SCFD2: variants seen among roughly 807,000 people sequenced by gnomAD.
SCFD2 encodes the protein sec1 family domain containing 2, also known as sec1 family domain-containing protein 2.
A neutral mutation model predicts 58.9 loss-of-function variants in SCFD2; 54 were observed. The ratio of observed to expected loss-of-function variants is 0.92; its 90% CI spans 0.74 to 1.15. The LOEUF (loss-of-function observed/expected upper bound fraction) is 1.15. Ranked by LOEUF, SCFD2 falls within the 50% of genes most tolerant of loss-of-function variation. The pLI, the probability that SCFD2 is intolerant of heterozygous loss-of-function variation, is 0.00. For missense variants in SCFD2, 805 were observed against 836.6 expected (o/e 0.96, Z 0.47); for synonymous variants, 321 against 335.9 (o/e 0.96, Z 0.49).
intron 4 of SCFD2, among the ~76,000 whole-genome samples, chr4:53,197,253 T>C (rs1462166480): frequency 6.6e-6 from 1 of 152,174 alleles, no homozygotes; most frequent in African/African-American, 2.4e-5. Context: ...AGGCCTGAAC[T>C]GTTCATCAAA....
intron 5 of SCFD2, among the ~76,000 whole-genome samples, chr4:53,081,158 T>C (rs915251022): frequency 5.3e-5 from 8 of 152,198 alleles, no homozygotes; most frequent in African/African-American, 1.7e-4. Context: ...TTAGTGTGTG[T>C]GTTTGCAACA....
chr4:53,316,249 T>TG (rs1732859078), intron 2 of SCFD2, among the ~76,000 whole-genome samples: 2 of 152,304 alleles, frequency 1.3e-5, no homozygotes, highest in South Asian at 4.1e-4. Context: ...TCATAAAAGG[T>TG]GGGGTCCTTC....
chr4:53,268,426 A>G (rs1478853574), intron 4 of SCFD2, among the ~76,000 whole-genome samples: 1 of 152,152 alleles, frequency 6.6e-6, no homozygotes, highest in African/African-American at 2.4e-5. Context: ...GCAGCCCTGC[A>G]TGGGTTGTCA....
chr4:53,008,658 G>A lies in SCFD2; in HGVS notation c.1562-87788C>T, dbSNP rs1350301295. Among the ~76,000 whole-genome samples the A allele has an allele frequency of 7.4e-4, 112 of 152,134 alleles. 1 individual carries two copies. Among genetic ancestry groups the A allele is most frequent in the Non-Finnish European group, 5.9e-5 (4 of 67,994 alleles). On this transcript the variant is annotated intron_variant, in intron 5 of 8. Coordinates refer to ENST00000401642, the MANE Select transcript of SCFD2 (RefSeq NM_152540.4). The stretch of plus-strand genomic sequence containing the variant: ...GAATGGAGAGGTGCATGTATAAAAC[G>A]CTCTTCAAAATAATGAAAGCTTTCT...
chr4:52,989,797 T>C (rs1457679466), intron 5 of SCFD2, among the ~76,000 whole-genome samples: 1 of 152,220 alleles, frequency 6.6e-6, no homozygotes, highest in East Asian at 1.9e-4. Context: ...GAGTTTTCTC[T>C]GTTCCCTTCT....
At chr4:53,204,830 C>G (rs1728359179) in intron 4 of SCFD2, among the ~76,000 whole-genome samples, 1 of 150,794 alleles carries the variant, frequency 6.6e-6, no homozygotes. Flanking sequence ...ACATATATTA[C>G]AAAGGATTAG....
chr4:52,899,274 G>A (rs1164580865), intron 7 of SCFD2, among the ~76,000 whole-genome samples: 1 of 152,156 alleles, frequency 6.6e-6, no homozygotes, highest in Non-Finnish European at 1.5e-5. Flanking sequence ...GCATGTTTTT[G>A]CAGTGGCTGG....
rs78397514 is a variant in SCFD2, at chr4:52,878,259, T to C, written c.1963-4198A>G. Among the ~76,000 whole-genome samples the C allele has an allele frequency of 7.9e-3, 1,201 of 152,268 alleles. 15 individuals are homozygous for C. The highest frequency in any genetic ancestry group is 0.027 in the African/African-American group (1,142 of 41,550). On this transcript the variant is annotated intron_variant, in intron 8 of 8. Coordinates refer to ENST00000401642, the MANE Select transcript of SCFD2 (RefSeq NM_152540.4). ...TGCCTGATTGAGTGAACAAAAACCA[T>C]ACAGCAGTGAAGGAGGCAGGGAGTG...
At chr4:53,257,324 G>A (rs940884481) in intron 4 of SCFD2, among the ~76,000 whole-genome samples, 3 of 152,176 alleles carry the variant, frequency 2.0e-5, no homozygotes, top group Admixed American at 6.5e-5. Flanking sequence ...TCAGTTCAAT[G>A]TGAAGAAGAG....
intron 3 of SCFD2, among the ~76,000 whole-genome samples, chr4:53,284,444 T>C (rs1345667204): frequency 6.6e-6 from 1 of 152,202 alleles, no homozygotes; most frequent in Non-Finnish European, 1.5e-5. Context: ...ATTCATTTTT[T>C]ATTTTATATA....
At chr4:53,334,160 A>C (rs1733597280) in intron 2 of SCFD2, among the ~76,000 whole-genome samples, 1 of 151,196 alleles carries the variant, frequency 6.6e-6, no homozygotes, top group African/African-American at 2.4e-5. Flanking sequence ...GTGGGACTGT[A>C]AACTAGTTCA....
chr4:53,212,495 TA>T (rs1728648131), intron 4 of SCFD2, among the ~76,000 whole-genome samples: 1 of 146,690 alleles, frequency 6.8e-6, no homozygotes, highest in Non-Finnish European at 1.5e-5. Context: ...ATAATAATAA[TA>T]AATAATTTGC....
intron 5 of SCFD2, among the ~76,000 whole-genome samples, chr4:53,031,788 G>A (rs1231885070): frequency 1.3e-5 from 2 of 152,222 alleles, no homozygotes; most frequent in Non-Finnish European, 2.9e-5. Flanking sequence ...GGGACTAGGT[G>A]AAAAGACCAA....
chr4:53,229,661 G>A (rs1184479612), intron 4 of SCFD2, among the ~76,000 whole-genome samples: 9 of 152,102 alleles, frequency 5.9e-5, no homozygotes, highest in South Asian at 4.2e-4. Context: ...CTAAAACCAG[G>A]AAAACCCTAG....
At chr4:53,284,228 G>GT (rs970194899) in intron 3 of SCFD2, among the ~76,000 whole-genome samples, 2 of 149,324 alleles carry the variant, frequency 1.3e-5, no homozygotes, top group Non-Finnish European at 3.0e-5. Flanking sequence ...AGTCTAATGA[G>GT]TAAAAAAAAA....
chr4:53,308,802 A>G (rs1489763823), intron 3 of SCFD2, among the ~76,000 whole-genome samples: 1 of 152,168 alleles, frequency 6.6e-6, no homozygotes. Context: ...CATTGGTGGA[A>G]AACAAAAATC....
intron 4 of SCFD2, among the ~76,000 whole-genome samples, chr4:53,247,970 G>A (rs1444557668): frequency 2.6e-5 from 4 of 151,984 alleles, no homozygotes; most frequent in African/African-American, 9.7e-5. Flanking sequence ...CAGCGTGAGC[G>A]ATGCAAAAGG....
chr4:53,160,986 T>A (rs1054200410), intron 4 of SCFD2, among the ~76,000 whole-genome samples: 1 of 152,194 alleles, frequency 6.6e-6, no homozygotes, highest in African/African-American at 2.4e-5. Context: ...TACATAACAA[T>A]GAGAATGAAT....
At chr4:53,059,810 T>C (rs1455827056) in intron 5 of SCFD2, among the ~76,000 whole-genome samples, 1 of 152,152 alleles carries the variant, frequency 6.6e-6, no homozygotes, top group African/African-American at 2.4e-5. Context: ...GTTAAAAGCA[T>C]TAACCAAGTA....
Sources: gnomAD v4.1 joint callset for allele counts (sites outside exome capture counted in the v4.1 genomes callset) on GRCh38, gnomAD v4.1.1 for gene constraint, MANE v1.5 for transcripts, NCBI Gene and HGNC (gene_info 2026-07-23, HGNC 2026-07-21) for gene names.